The following ATP5PD variants were observed in gnomAD, a reference collection of about 807,000 sequenced individuals.
The protein encoded by ATP5PD is ATP synthase peripheral stalk subunit d, mitochondrial.
ATP5PD carries 13 observed loss-of-function variants against 22.6 expected under a neutral mutation model. That is an observed-to-expected ratio of 0.58 (90% confidence interval 0.37 to 0.91). The LOEUF (loss-of-function observed/expected upper bound fraction) is 0.91, where lower values mean the gene tolerates loss of function less well. Among genes scored for constraint, ATP5PD ranks in the 40% least tolerant of loss-of-function variants. The pLI is 0.00. For missense variants in ATP5PD, 165 were observed against 188.0 expected (o/e 0.88, Z 0.72); for synonymous variants, 51 against 65.0 (o/e 0.79, Z 1.03).
chr17:75,041,844 G>A (rs182827851), intron 3 of ATP5PD: 104 of 199,428 alleles, frequency 5.2e-4, no homozygotes, highest in Admixed American at 1.5e-3. Flanking sequence ...ACCAAGTTCA[G>A]CATCAATATG....
intron 1 of ATP5PD, among the ~76,000 whole-genome samples, chr17:75,043,544 C>T (rs1286882764): frequency 2.8e-5 from 4 of 144,682 alleles, no homozygotes; most frequent in Admixed American, 7.1e-5. Context: ...ACCTGGGCGG[C>T]GGAGGTTGCA....
At chr17:75,040,266 C>T (rs567340610) in intron 3 of ATP5PD, 103 bp from the exon 4 acceptor site, 40 of 1,383,274 alleles carry the variant, frequency 2.9e-5, no homozygotes, top group African/African-American at 1.4e-5. Flanking sequence ...CTGGAAGCTA[C>T]GAATCCTTAA....
intron 3 of ATP5PD, chr17:75,041,083 G>C (rs1056057348): frequency 6.6e-6 from 1 of 152,020 alleles, no homozygotes; most frequent in African/African-American, 2.4e-5. Context: ...CAGAGGCTGG[G>C]CATGGTGGCT....
At chr17:75,039,650 A>G (rs2073138113) in intron 4 of ATP5PD, 1 of 282,050 alleles carries the variant, frequency 3.5e-6, no homozygotes, top group African/African-American at 2.2e-5. Context: ...GCTTTCAAGC[A>G]AATAATTAGG....
chr17:75,039,128 G>A, intron 5 of ATP5PD, 65 bp from the exon 6 acceptor site: 1 of 1,611,944 alleles, frequency 6.2e-7, no homozygotes, highest in Non-Finnish European at 8.5e-7. Flanking sequence ...ATCCAAGGCA[G>A]GTTCCTGCCA....
intron 3 of ATP5PD, 66 bp from the exon 4 acceptor site, chr17:75,040,229 C>G: frequency 1.3e-6 from 2 of 1,588,516 alleles, no homozygotes; most frequent in Middle Eastern, 2.3e-4. Flanking sequence ...AGTGAGTCGT[C>G]GCCAATACAC....
chr17:75,039,514 A>G lies in ATP5PD; in HGVS notation c.292-243T>C, dbSNP rs146419218. 5.5e-4 allele frequency: 278 copies of G among 501,850 alleles called. 4 individuals carry two copies. In the East Asian group the frequency reaches 9.0e-3, roughly 16 times the overall value. 31.1% of individuals were successfully genotyped at this position (501,850 alleles called of 1,614,324 possible). On this transcript the variant is annotated intron_variant, in intron 4 of 5. Transcript: ENST00000301587. ...ACCCGGCTGCTTCTGCAAGTTCCTC[A>G]TCCGAAGACCTACAGAATGCCTGTT...
intron 1 of ATP5PD, among the ~76,000 whole-genome samples, chr17:75,044,214 T>TAG (rs1259278056): frequency 0.019 from 1,537 of 79,180 alleles, 282 homozygotes; most frequent in African/African-American, 0.15. Context: ...TTTTTTTTTT[T>TAG]TTGAGACGGA....
chr17:75,040,267 G>A lies in ATP5PD; in HGVS notation c.220-104C>T, dbSNP rs189719024. On this transcript the variant is annotated intron_variant, in intron 3 of 5. Coordinates refer to ENST00000301587, the MANE Select transcript of ATP5PD (RefSeq NM_006356.3). ...AGGAGCTCAAAGGGCTGGAAGCTAC[G>A]AATCCTTAAAGGTCATACTGAAAGA... 6.2e-5 allele frequency: 85 copies of A among 1,372,504 alleles called. No homozygotes were observed. The African/African-American group carries it at 7.6e-4, about 12-fold the overall frequency. The allele number at this position is 1,372,504 out of a possible 1,614,324, so 85.0% of individuals were successfully genotyped here. A position where few individuals can be genotyped will look rare whatever the true frequency, so the allele number is the denominator to read the frequency against.
intron 1 of ATP5PD, among the ~76,000 whole-genome samples, chr17:75,043,724 C>A (rs1197625459): frequency 3.9e-5 from 6 of 152,074 alleles, no homozygotes; most frequent in Non-Finnish European, 8.8e-5. Context: ...ACATTTCCAC[C>A]CAGATTGTGT....
In ATP5PD at chr17:75,040,112, C is replaced by T. The variant is rs2073144007; in HGVS notation, c.271G>A (p.Asp91Asn). 2.5e-6 allele frequency: 4 copies of T among 1,613,056 alleles called. No homozygotes were observed. In the East Asian group the frequency reaches 8.9e-5, roughly 36 times the overall value. Residue 91 changes from aspartate (D) to asparagine (N), a missense_variant, in exon 4 of 6, where the codon GAT becomes AAT. Transcript: ENST00000301587. ...CTTACATCTTCTTTTTCTTCGGCAT[C>T]CACCTGGGCAGTATATTTATCCTCT... ...VPEDKYTAQV[D>N]AEEKEDVKSC... is the part of the protein sequence containing the mutation.
chr17:75,039,219 T>C lies in ATP5PD; in HGVS notation c.344A>G (p.Tyr115Cys). 6.2e-7 allele frequency: 1 copy of C among 1,614,208 alleles called. No individual in the cohort carries two copies. The change falls in exon 5 of 6, where the codon TAT (tyrosine) becomes TGT (cysteine). Residue 115 changes from tyrosine (Y) to cysteine (C), a missense_variant. By Grantham distance (194) the Tyr-to-Cys change is radical (BLOSUM62 -2). Coordinates refer to ENST00000301587, the MANE Select transcript of ATP5PD (RefSeq NM_006356.3). ...ACCCATCATCCTTACCTCTTTCTCA[T>C]ATTCTACAATCCTGGCCTTTGAGAG... ...VSLSKARIVE[Y>C]EKEMEKMKNL... is the part of the protein sequence containing the mutation.
chr17:75,046,545 G>A (rs1214463072), intron 1 of ATP5PD, among the ~76,000 whole-genome samples: 1 of 152,258 alleles, frequency 6.6e-6, no homozygotes, highest in Non-Finnish European at 1.5e-5. Flanking sequence ...GCTGCCGAAG[G>A]GGAAGGGCGC....
rs2073128229 is a variant in ATP5PD, at chr17:75,038,866, A to G, written c.*66T>C. On this transcript the variant is annotated 3_prime_UTR_variant, in exon 6 of 6. Transcript: ENST00000301587. The stretch of plus-strand genomic sequence containing the variant: ...AGAGAAGAAGCACACCCAGAACTGT[A>G]TAATTATTATTTTTAATGTCCAGAA... 6.6e-7 allele frequency: 1 copy of G among 1,520,712 alleles called. No homozygotes were observed. The highest frequency in any genetic ancestry group is 8.9e-7 in the Non-Finnish European group (1 of 1,121,248). The allele number at this position is 1,520,712 out of a possible 1,614,324, so 94.2% of individuals were successfully genotyped here.
At chr17:75,042,049 TTTGG>T in intron 3 of ATP5PD, 128 bp downstream of exon 3, 1 of 728,958 alleles carries the variant, frequency 1.4e-6, no homozygotes, top group Non-Finnish European at 2.2e-6. Context: ...CCACAAGGCC[TTTGG>T]CCATACGCAT....
At chr17:75,046,301 C>T (rs1405362086) in intron 1 of ATP5PD, among the ~76,000 whole-genome samples, 1 of 152,190 alleles carries the variant, frequency 6.6e-6, no homozygotes, top group East Asian at 1.9e-4. Flanking sequence ...CCAGGCTGGT[C>T]TCGAACTCCT....
In ATP5PD at chr17:75,039,227, A is replaced by C. The variant is rs1196256273; in HGVS notation, c.336T>G (p.Ile112Met). ...AEWVSLSKAR[I>M]VEYEKEMEKM... ...TCCTTACCTCTTTCTCATATTCTAC[A>C]ATCCTGGCCTTTGAGAGAGACACCC... Residue 112 changes from isoleucine (I) to methionine (M), a missense_variant, in exon 5 of 6, where the codon ATT (isoleucine) becomes ATG (methionine). Coordinates refer to ENST00000301587, the MANE Select transcript of ATP5PD (RefSeq NM_006356.3). 6.2e-7 allele frequency: 1 copy of C among 1,614,198 alleles called. No homozygotes were observed. Among genetic ancestry groups the C allele is most frequent in the East Asian group, 2.2e-5 (1 of 44,890 alleles).
intron 4 of ATP5PD, 74 bp from the exon 5 acceptor site, chr17:75,039,345 G>T: frequency 7.4e-7 from 1 of 1,357,222 alleles, no homozygotes; most frequent in African/African-American, 1.4e-5. Flanking sequence ...GGTAGGAGTC[G>T]TCCCAGCCCA....
chr17:75,044,795 T>C (rs1289336052), intron 1 of ATP5PD, among the ~76,000 whole-genome samples: 4 of 152,198 alleles, frequency 2.6e-5, no homozygotes, highest in Admixed American at 1.3e-4. Flanking sequence ...CAAAAATCTC[T>C]ATAAGCTTGG....
Sources: allele counts gnomAD v4.1 joint callset (sites outside exome capture counted in the v4.1 genomes callset), GRCh38; gene constraint gnomAD v4.1.1; transcripts MANE v1.5; gene names NCBI Gene and HGNC (gene_info 2026-07-23, HGNC 2026-07-21).